The following RNF150 variants were observed in gnomAD, a reference collection of about 807,000 sequenced individuals.
RNF150 encodes the protein ring finger protein 150.
RNF150 carries 24 observed loss-of-function variants against 39.3 expected under a neutral mutation model. That is an observed-to-expected ratio of 0.61 (90% CI 0.44 to 0.86). RNF150 has a LOEUF of 0.86. Among genes scored for constraint, RNF150 ranks in the 40% least tolerant of loss-of-function variants. The pLI, the probability that RNF150 is intolerant of heterozygous loss-of-function variation, is 0.00. For synonymous variants in RNF150, 255 were observed against 227.3 expected (o/e 1.12, Z -1.10); for missense variants, 502 against 587.8 (o/e 0.85, Z 1.51).
intron 4 of RNF150, among the ~76,000 whole-genome samples, chr4:140,941,268 A>C (rs1732072344): frequency 6.6e-6 from 1 of 152,136 alleles, no homozygotes; most frequent in Non-Finnish European, 1.5e-5. Flanking sequence ...CCACACATGA[A>C]TTATCCTGGT....
At chr4:140,965,975 T>C (rs1421708835) in intron 2 of RNF150, among the ~76,000 whole-genome samples, 1 of 152,118 alleles carries the variant, frequency 6.6e-6, no homozygotes, top group African/African-American at 2.4e-5. Context: ...CATTTTACTG[T>C]CTGTATGACT....
chr4:140,947,277 CAG>C (rs1028703483), intron 4 of RNF150, among the ~76,000 whole-genome samples: 1 of 152,010 alleles, frequency 6.6e-6, no homozygotes, highest in African/African-American at 2.4e-5. Flanking sequence ...AAATATTTTT[CAG>C]AGTTTATTAT....
At chr4:140,931,604 T>C (rs1182803011) in intron 4 of RNF150, among the ~76,000 whole-genome samples, 1 of 152,184 alleles carries the variant, frequency 6.6e-6, no homozygotes, top group Non-Finnish European at 1.5e-5. Flanking sequence ...AGGATAGCAG[T>C]GAATCTTCCC....
At chr4:141,185,142 G>A (rs1727982043) in intron 1 of RNF150, among the ~76,000 whole-genome samples, 1 of 151,930 alleles carries the variant, frequency 6.6e-6, no homozygotes, top group African/African-American at 2.4e-5. Context: ...TTCATGATAT[G>A]GATTCTTCCT....
chr4:141,105,065 A>C (rs1451031679), intron 1 of RNF150, among the ~76,000 whole-genome samples: 1 of 152,202 alleles, frequency 6.6e-6, no homozygotes, highest in Non-Finnish European at 1.5e-5. Flanking sequence ...AGGAGGTTAA[A>C]TTTAGAGAGT....
At chr4:140,983,081 T>G (rs939069257) in intron 1 of RNF150, among the ~76,000 whole-genome samples, 1 of 152,174 alleles carries the variant, frequency 6.6e-6, no homozygotes, top group African/African-American at 2.4e-5. Context: ...ATCAGCCTGT[T>G]GAATAGTCAC....
chr4:140,897,791 G>A (rs1422300565), intron 6 of RNF150, among the ~76,000 whole-genome samples: 17 of 152,136 alleles, frequency 1.1e-4, no homozygotes, highest in Admixed American at 1.1e-3. Flanking sequence ...CTTTTCTAAG[G>A]ATTATTGCAT....
intron 6 of RNF150, among the ~76,000 whole-genome samples, chr4:140,896,647 C>A (rs1729952610): frequency 9.2e-6 from 1 of 108,140 alleles, no homozygotes; most frequent in Non-Finnish European, 1.9e-5. Flanking sequence ...TGTAACTAAC[C>A]TGCACAATGT....
chr4:141,096,794 C>T (rs1334650119), intron 1 of RNF150, among the ~76,000 whole-genome samples: 1 of 152,180 alleles, frequency 6.6e-6, no homozygotes, highest in East Asian at 1.9e-4. Flanking sequence ...AGACAAGGGA[C>T]CTCAAAGTCC....
At position 140,863,439 on chromosome 4, in the gene RNF150, G is replaced by A. The variant is rs1309037240; in HGVS notation, c.*4822C>T. 6.6e-6 allele frequency: 1 copy of A among 152,152 alleles called. No individual in the cohort carries two copies. Among genetic ancestry groups the A allele is most frequent in the African/African-American group, 2.4e-5 (1 of 41,424 alleles). 9.4% of individuals were successfully genotyped at this position (152,152 alleles called of 1,614,324 possible). A position where few individuals can be genotyped will look rare whatever the true frequency, so the allele number is the denominator to read the frequency against. On this transcript the variant is annotated 3_prime_UTR_variant, in exon 7 of 7. Coordinates refer to ENST00000515673, the MANE Select transcript of RNF150 (RefSeq NM_020724.2). ...TATAGTAAACAGGTTTGCCTCATCA[G>A]AAGTGAATATGGATATTGCTACACA...
At chr4:141,185,772 C>T (rs766336249) in intron 1 of RNF150, among the ~76,000 whole-genome samples, 16 of 152,208 alleles carry the variant, frequency 1.1e-4, no homozygotes, top group Admixed American at 3.3e-4. Context: ...GCCTTTTCTG[C>T]ATCTATTGAG....
At chr4:141,116,693 A>G (rs1426772388) in intron 1 of RNF150, among the ~76,000 whole-genome samples, 2 of 152,230 alleles carry the variant, frequency 1.3e-5, no homozygotes, top group Non-Finnish European at 2.9e-5. Context: ...ATGCACACAT[A>G]TGTTTATTTC....
At chr4:141,002,380 T>C (rs1429749006) in intron 1 of RNF150, among the ~76,000 whole-genome samples, 1 of 152,200 alleles carries the variant, frequency 6.6e-6, no homozygotes, top group Admixed American at 6.5e-5. Context: ...AGATCTATGA[T>C]GTCAACCCTT....
intron 1 of RNF150, among the ~76,000 whole-genome samples, chr4:140,973,997 A>C (rs1206239457): frequency 6.6e-6 from 1 of 152,122 alleles, no homozygotes; most frequent in African/African-American, 2.4e-5. Flanking sequence ...CAAAACAGGA[A>C]ATTGGCAAAA....
intron 1 of RNF150, among the ~76,000 whole-genome samples, chr4:140,985,183 G>T (rs1733980104): frequency 6.6e-6 from 1 of 152,106 alleles, no homozygotes; most frequent in Non-Finnish European, 1.5e-5. Context: ...TTTACAAAGA[G>T]AAAGAAAACA....
chr4:141,201,158 C>T (rs1032947952), intron 1 of RNF150, among the ~76,000 whole-genome samples: 2 of 151,772 alleles, frequency 1.3e-5, no homozygotes, highest in African/African-American at 2.4e-5. Context: ...GTGAAGCAGA[C>T]GAATGTTCTG....
intron 1 of RNF150, among the ~76,000 whole-genome samples, chr4:141,185,170 G>A (rs1322266964): frequency 1.3e-5 from 2 of 152,160 alleles, no homozygotes; most frequent in African/African-American, 2.4e-5. Context: ...AGCATGGAAT[G>A]TTTTTCCACT....
At chr4:140,910,030 A>G (rs1013429902) in intron 6 of RNF150, among the ~76,000 whole-genome samples, 1 of 152,204 alleles carries the variant, frequency 6.6e-6, no homozygotes, top group Non-Finnish European at 1.5e-5. Context: ...GATTGTTTCC[A>G]AGTAGTGGGG....
intron 6 of RNF150, among the ~76,000 whole-genome samples, chr4:140,902,758 G>A (rs541299025): frequency 3.3e-5 from 5 of 152,190 alleles, no homozygotes; most frequent in East Asian, 1.9e-4. Context: ...GACAGGGTCC[G>A]CTGCGTATAG....
Sources: gnomAD v4.1 joint callset for allele counts (sites outside exome capture counted in the v4.1 genomes callset) on GRCh38, gnomAD v4.1.1 for gene constraint, MANE v1.5 for transcripts, NCBI Gene and HGNC (gene_info 2026-07-23, HGNC 2026-07-21) for gene names.